PKIB: variants seen among roughly 807,000 people sequenced by gnomAD.
PKIB encodes PKI-beta.
A neutral mutation model predicts 4.5 loss-of-function variants in PKIB; 2 were observed. The observed-to-expected ratio is 0.44, with a 90% CI of 0.18 to 1.39. The LOEUF (loss-of-function observed/expected upper bound fraction) is 1.39, where lower values mean the gene tolerates loss of function less well. PKIB is among the 40% of genes most tolerant of loss of function. The probability of loss-of-function intolerance (pLI) is 0.27; values close to 1 mark genes in which losing one functional copy is unlikely to be tolerated. For synonymous variants in PKIB, 38 were observed against 36.0 expected, an observed-to-expected ratio of 1.06 and a Z score of -0.20; for missense variants, 94 against 92.6, an observed-to-expected ratio of 1.02 and a Z score of -0.06.
chr6:122,549,233 A>G (rs1442331234), intron 2 of PKIB, among the ~76,000 whole-genome samples: 1 of 152,232 alleles, frequency 6.6e-6, no homozygotes, highest in Non-Finnish European at 1.5e-5. Flanking sequence ...CAGTATGGGT[A>G]TCATACATAT....
chr6:122,484,165 T>TA (rs1582649665), intron 2 of PKIB: 1 of 122,764 alleles, frequency 8.1e-6, no homozygotes. Flanking sequence ...TTGAAGTAAA[T>TA]AAAGAAAAAA....
At chr6:122,480,232 C>CG (rs964029771) in intron 2 of PKIB, 4 of 151,938 alleles carry the variant, frequency 2.6e-5, no homozygotes, top group African/African-American at 7.3e-5. Context: ...TTAGTAGAGA[C>CG]GGGGTTTCAC....
At chr6:122,616,989 A>G (rs1204832295) in intron 1 of PKIB, among the ~76,000 whole-genome samples, 1 of 152,170 alleles carries the variant, frequency 6.6e-6, no homozygotes, top group African/African-American at 2.4e-5. Flanking sequence ...ATTGATGCTT[A>G]TTTCTTAAAT....
chr6:122,586,313 G>A (rs146206078), intron 3 of PKIB, among the ~76,000 whole-genome samples: 13 of 152,228 alleles, frequency 8.5e-5, no homozygotes, highest in African/African-American at 2.6e-4. Context: ...TGATTGTTAA[G>A]TGCAGTCTTG....
At chr6:122,576,595 G>A (rs1055655152) in intron 2 of PKIB, among the ~76,000 whole-genome samples, 1 of 147,352 alleles carries the variant, frequency 6.8e-6, no homozygotes, top group Non-Finnish European at 1.5e-5. Context: ...GTGAACCCGG[G>A]AGGAGGTGCT....
At chr6:122,647,196 T>G (rs1465244821) in intron 2 of PKIB, among the ~76,000 whole-genome samples, 5 of 152,212 alleles carry the variant, frequency 3.3e-5, no homozygotes, top group African/African-American at 1.2e-4. Flanking sequence ...GTAGAATTTC[T>G]TTTTCCTCAG....
intron 3 of PKIB, among the ~76,000 whole-genome samples, chr6:122,694,492 G>T (rs1187749941): frequency 6.6e-6 from 1 of 152,112 alleles, no homozygotes; most frequent in Non-Finnish European, 1.5e-5. Context: ...GAGCTAATTT[G>T]CTTTAAATTC....
intron 3 of PKIB, among the ~76,000 whole-genome samples, chr6:122,715,710 T>C (rs1042900426): frequency 1.3e-5 from 2 of 151,524 alleles, no homozygotes; most frequent in African/African-American, 4.8e-5. Flanking sequence ...GATATATATA[T>C]GTATATACAC....
chr6:122,580,193 C>T (rs192593998), intron 2 of PKIB, among the ~76,000 whole-genome samples: 42 of 150,426 alleles, frequency 2.8e-4, no homozygotes, highest in African/African-American at 1.0e-3. Context: ...CAAATTCAAA[C>T]ATATTTGCTT....
In PKIB at chr6:122,519,646, G is replaced by A. The variant is rs1451585703; in HGVS notation, c.-248+41707G>A. Among the ~76,000 whole-genome samples the A allele has an allele frequency of 3.9e-5, 6 of 152,246 alleles. No individual in the cohort carries two copies. The East Asian group carries it at 5.8e-4, about 15-fold the overall frequency. ...CATAGCCCTCACTAACTAATAAACAGCAAAATACAATTTCACTAGTAGAGA... is the reference window on the plus strand; with the variant it reads ...CATAGCCCTCACTAACTAATAAACAACAAAATACAATTTCACTAGTAGAGA... On this transcript the variant is annotated intron_variant, in intron 2 of 6. Transcript: ENST00000392491.
At chr6:122,612,315 A>G (rs1475351738) in intron 1 of PKIB, among the ~76,000 whole-genome samples, 2 of 152,142 alleles carry the variant, frequency 1.3e-5, no homozygotes, top group Non-Finnish European at 2.9e-5. Context: ...TGAGTTTTAG[A>G]AAATTTGTTA....
At chr6:122,558,689 CAAG>C (rs1772921005) in intron 2 of PKIB, among the ~76,000 whole-genome samples, 1 of 151,798 alleles carries the variant, frequency 6.6e-6, no homozygotes, top group African/African-American at 2.4e-5. Flanking sequence ...CCTTCATACA[CAAG>C]AAAAAGCCAC....
chr6:122,636,606 A>G (rs1775926929), intron 2 of PKIB, among the ~76,000 whole-genome samples: 1 of 152,122 alleles, frequency 6.6e-6, no homozygotes, highest in African/African-American at 2.4e-5. Context: ...TTCTTGGATG[A>G]GAATAATAGA....
intron 1 of PKIB, among the ~76,000 whole-genome samples, chr6:122,623,019 C>T (rs879104070): frequency 3.2e-4 from 49 of 152,086 alleles, no homozygotes; most frequent in Admixed American, 2.0e-3. Context: ...GCATGGAATA[C>T]GTAACTTTCC....
At chr6:122,690,198 TA>T (rs1778272275) in intron 3 of PKIB, among the ~76,000 whole-genome samples, 1 of 151,878 alleles carries the variant, frequency 6.6e-6, no homozygotes, top group Non-Finnish European at 1.5e-5. Flanking sequence ...TTTTTTTTTT[TA>T]ATCCATTCAA....
intron 3 of PKIB, among the ~76,000 whole-genome samples, chr6:122,679,760 TG>T (rs1369501753): frequency 6.6e-6 from 1 of 152,298 alleles, no homozygotes; most frequent in East Asian, 1.9e-4. Flanking sequence ...TGATTTGTCC[TG>T]GGGCTCTTCA....
chr6:122,606,745 A>G (rs986370475), upstream of PKIB, among the ~76,000 whole-genome samples: 3 of 151,922 alleles, frequency 2.0e-5, no homozygotes, highest in African/African-American at 7.3e-5. Flanking sequence ...TGGCAACCCT[A>G]AAAAAACTAA....
chr6:122,675,609 A>T (rs1371916547), intron 3 of PKIB, among the ~76,000 whole-genome samples: 1 of 152,186 alleles, frequency 6.6e-6, no homozygotes, highest in Non-Finnish European at 1.5e-5. Flanking sequence ...AGGTCTCATA[A>T]TACTAAGGTC....
At chr6:122,655,082 G>A (rs1776713325) in intron 2 of PKIB, among the ~76,000 whole-genome samples, 1 of 151,936 alleles carries the variant, frequency 6.6e-6, no homozygotes, top group African/African-American at 2.4e-5. Flanking sequence ...CCACCCCCAG[G>A]GTTCAAAAGA....
Sources: allele counts gnomAD v4.1 joint callset (sites outside exome capture counted in the v4.1 genomes callset), GRCh38; gene constraint gnomAD v4.1.1; transcripts MANE v1.5; gene names NCBI Gene and HGNC (gene_info 2026-07-23, HGNC 2026-07-21).